Variants in RARB observed in about 807,000 individuals in gnomAD.
RARB encodes the protein retinoic acid receptor beta, also known as HBV-activated protein.
RARB carries 17 observed loss-of-function variants against 51.9 expected under a neutral mutation model. The observed-to-expected ratio is 0.33, with a 90% CI of 0.22 to 0.49. The LOEUF is 0.49. RARB is among the 20% of genes least tolerant of loss of function. The pLI is 0.99. For missense variants in RARB, 369 were observed against 550.8 expected (o/e 0.67, Z 3.30); for synonymous variants, 215 against 195.4 (o/e 1.10, Z -0.84).
intron 3 of RARB, among the ~76,000 whole-genome samples, chr3:25,121,905 T>C (rs1699790477): frequency 6.6e-6 from 1 of 152,164 alleles, no homozygotes; most frequent in Non-Finnish European, 1.5e-5. Context: ...ACCTGTCACG[T>C]TCTTCTACTT....
intron 2 of RARB, among the ~76,000 whole-genome samples, chr3:25,057,209 C>A (rs978642434): frequency 1.3e-5 from 2 of 152,000 alleles, no homozygotes; most frequent in African/African-American, 2.4e-5. Flanking sequence ...CACAAACCAG[C>A]CCGTGTTGGC....
intron 5 of RARB, among the ~76,000 whole-genome samples, chr3:25,238,022 CTTCTG>C (rs912174010): frequency 2.0e-5 from 3 of 152,096 alleles, no homozygotes; most frequent in African/African-American, 4.8e-5. Flanking sequence ...CATTTCAAGT[CTTCTG>C]TTCTAGTTAT....
chr3:25,282,919 A>C (rs897207086), intron 5 of RARB, among the ~76,000 whole-genome samples: 6 of 152,078 alleles, frequency 3.9e-5, no homozygotes, highest in African/African-American at 1.4e-4. Context: ...TATATTTTCA[A>C]CTCCTCCAAA....
intron 2 of RARB, among the ~76,000 whole-genome samples, chr3:24,873,360 G>T (rs573616812): frequency 1.3e-5 from 2 of 152,122 alleles, no homozygotes; most frequent in East Asian, 3.9e-4. Flanking sequence ...AGGAATTTCA[G>T]TTCTTCTTGA....
intron 3 of RARB, among the ~76,000 whole-genome samples, chr3:25,531,760 G>T (rs1698933957): frequency 2.0e-5 from 3 of 150,180 alleles, no homozygotes; most frequent in Admixed American, 2.0e-4. Flanking sequence ...CACTTTCATG[G>T]CCTGCAAATT....
intron 2 of RARB, among the ~76,000 whole-genome samples, chr3:24,931,846 A>G (rs758252309): frequency 5.3e-5 from 8 of 152,102 alleles, no homozygotes; most frequent in Non-Finnish European, 1.2e-4. Context: ...AATGAGAGTT[A>G]GGTAGTTATT....
chr3:25,407,669 C>A lies in RARB; in HGVS notation c.179-53524C>A, dbSNP rs185165573. On this transcript the variant is annotated intron_variant, in intron 5 of 11. Transcript: ENST00000383772. ...CACACACACACAGAATTGCAGATAA[C>A]TGTCAGAGTCCCATTCATATCCTTT... Among the ~76,000 whole-genome samples the A allele has an allele frequency of 2.0e-5, 3 of 152,154 alleles. No individual in the cohort carries two copies. In the East Asian group the frequency reaches 5.8e-4, roughly 29 times the overall value.
At chr3:25,111,583 G>GAT (rs1699601183) in intron 3 of RARB, among the ~76,000 whole-genome samples, 1 of 120,866 alleles carries the variant, frequency 8.3e-6, no homozygotes, top group Non-Finnish European at 1.6e-5. Context: ...TCTAACAGTG[G>GAT]TTTTTTTTTT....
At chr3:25,182,895 G>T (rs562615698) in intron 5 of RARB, among the ~76,000 whole-genome samples, 1 of 152,220 alleles carries the variant, frequency 6.6e-6, no homozygotes, top group South Asian at 2.1e-4. Context: ...TAAACACAGA[G>T]ATAGAGACAC....
At chr3:25,034,928 T>C (rs933060546) in intron 2 of RARB, among the ~76,000 whole-genome samples, 4 of 152,224 alleles carry the variant, frequency 2.6e-5, no homozygotes, top group African/African-American at 9.6e-5. Flanking sequence ...CACAAAGTGC[T>C]CTTCTGATTG....
At chr3:24,905,790 A>G (rs1241648179) in intron 2 of RARB, among the ~76,000 whole-genome samples, 1 of 152,192 alleles carries the variant, frequency 6.6e-6, no homozygotes, top group African/African-American at 2.4e-5. Context: ...TGTTTGTCAG[A>G]CATCCTATAT....
intron 3 of RARB, among the ~76,000 whole-genome samples, chr3:25,523,783 T>A (rs1698512682): frequency 6.6e-6 from 1 of 152,200 alleles, no homozygotes; most frequent in Non-Finnish European, 1.5e-5. Flanking sequence ...CTTTCGGAGC[T>A]AAAGGGGGAA....
At chr3:25,138,902 T>A (rs570681220) in intron 4 of RARB, among the ~76,000 whole-genome samples, 6 of 152,288 alleles carry the variant, frequency 3.9e-5, no homozygotes, top group Non-Finnish European at 5.9e-5. Context: ...TAGCACTGTT[T>A]CCAGCAGAAT....
At chr3:24,853,201 C>G (rs927697936) in intron 1 of RARB, among the ~76,000 whole-genome samples, 2 of 151,586 alleles carry the variant, frequency 1.3e-5, no homozygotes, top group African/African-American at 4.8e-5. Context: ...CCTGTAGTCC[C>G]AGCTACTGGG....
chr3:25,430,391 C>G (rs1011241417), intron 1 of RARB, among the ~76,000 whole-genome samples: 1 of 152,186 alleles, frequency 6.6e-6, no homozygotes, highest in African/African-American at 2.4e-5. Context: ...GTTGGAATCC[C>G]AGGGAACTGG....
At chr3:25,024,767 A>G (rs892624589) in intron 2 of RARB, among the ~76,000 whole-genome samples, 1 of 152,066 alleles carries the variant, frequency 6.6e-6, no homozygotes, top group Non-Finnish European at 1.5e-5. Flanking sequence ...AGCCTCGCCA[A>G]TATGGTGAAA....
chr3:25,292,990 T>G (rs1212837336), intron 5 of RARB, among the ~76,000 whole-genome samples: 1 of 152,108 alleles, frequency 6.6e-6, no homozygotes, highest in Non-Finnish European at 1.5e-5. Flanking sequence ...TCCTAGACAC[T>G]CAGTAAAGGA....
At chr3:25,045,995 C>G (rs534509828) in intron 2 of RARB, among the ~76,000 whole-genome samples, 1 of 152,212 alleles carries the variant, frequency 6.6e-6, no homozygotes, top group East Asian at 1.9e-4. Flanking sequence ...AAATATGTTC[C>G]TTTTTATTAG....
intron 5 of RARB, among the ~76,000 whole-genome samples, chr3:25,231,357 G>C (rs1359084054): frequency 1.3e-5 from 2 of 152,108 alleles, no homozygotes; most frequent in Non-Finnish European, 2.9e-5. Flanking sequence ...GACCTTTCCT[G>C]TTTAGAAGCA....
Sources: gnomAD v4.1 joint callset for allele counts (sites outside exome capture counted in the v4.1 genomes callset) on GRCh38, gnomAD v4.1.1 for gene constraint, MANE v1.5 for transcripts, NCBI Gene and HGNC (gene_info 2026-07-23, HGNC 2026-07-21) for gene names.